The following MATN2 variants were observed in gnomAD, a reference collection of about 807,000 sequenced individuals.
MATN2 encodes matrilin 2.
A neutral mutation model predicts 103.2 loss-of-function variants in MATN2; 69 were observed. That is an observed-to-expected ratio of 0.67 (90% CI 0.55 to 0.82). The LOEUF (loss-of-function observed/expected upper bound fraction) is 0.82. Among genes scored for constraint, MATN2 ranks in the 40% least tolerant of loss-of-function variants. The probability of loss-of-function intolerance (pLI) is 0.00; values close to 1 mark genes in which losing one functional copy is unlikely to be tolerated. For synonymous variants in MATN2, 429 were observed against 450.2 expected (o/e 0.95, Z 0.60); for missense variants, 1,023 against 1,211.5 (o/e 0.84, Z 2.31).
rs572551676 is a variant in MATN2 at position 97,987,920 on chromosome 8, A to G, written c.1082-6560A>G. Among the ~76,000 whole-genome samples the G allele has an allele frequency of 1.3e-3, 200 of 152,064 alleles. 3 individuals are homozygous for G. The highest frequency in any genetic ancestry group is 4.6e-3 in the African/African-American group (192 of 41,470). On this transcript the variant is annotated intron_variant, in intron 6 of 18. Coordinates refer to ENST00000254898, the MANE Select transcript of MATN2 (RefSeq NM_002380.5). ...TTTTTTTAGAAGATTAATAAAATTG[A>G]TAAATGTCTAACCAGACTAGTCAAG...
At position 97,869,233 on chromosome 8, in the gene MATN2, G is replaced by T. The variant is rs1019194982; in HGVS notation, c.-81G>T. On this transcript the variant is annotated 5_prime_UTR_variant, in exon 1 of 19. The change creates a new upstream start codon in the 5' untranslated region. Coordinates refer to ENST00000254898, the MANE Select transcript of MATN2 (RefSeq NM_002380.5). ...CTCGGCGAGGCGAAGAGGCCGACGA[G>T]GAAGACCCGGGTGGCTGCGCCCCTG... 3 of 152,234 alleles carry T rather than the reference G, an allele frequency of 2.0e-5. No homozygotes were observed. The highest frequency in any genetic ancestry group is 2.9e-5 in the Non-Finnish European group (2 of 68,042). 9.4% of individuals were successfully genotyped at this position (152,234 alleles called of 1,614,324 possible).
chr8:97,984,853 T>C (rs1437953811), intron 6 of MATN2, among the ~76,000 whole-genome samples: 1 of 152,148 alleles, frequency 6.6e-6, no homozygotes. Context: ...GCCTACATTC[T>C]ATTGGAGCAG....
intron 4 of MATN2, among the ~76,000 whole-genome samples, chr8:97,958,689 G>C (rs1013559540): frequency 6.6e-6 from 1 of 152,194 alleles, no homozygotes; most frequent in African/African-American, 2.4e-5. Context: ...CTTTGCTAGA[G>C]GTGCTTAAAT....
chr8:97,931,264 GA>G lies in MATN2; in HGVS notation c.455del (p.Glu152GlyfsTer6). On this transcript the variant is annotated frameshift_variant, in exon 3 of 19. Transcript: ENST00000254898. LOFTEE classifies it high-confidence loss of function. This position sits in a 1 kb window ranked among gnomAD's most constrained non-coding sequence, Gnocchi z 4.1. ...YALNIAFSEA[E>X]GARPLRENVP... ...CCTGAACATCGCATTCTCAGAAGCA[GA>G]GGGGGCCCGGCCCCTGAGGGAGAAT... 1 of 1,613,964 alleles carries G rather than the reference GA, an allele frequency of 6.2e-7. No homozygotes were observed. The highest frequency in any genetic ancestry group is 8.5e-7 in the Non-Finnish European group (1 of 1,179,880).
At chr8:97,928,682 G>A (rs1432025076) in intron 2 of MATN2, among the ~76,000 whole-genome samples, 1 of 152,266 alleles carries the variant, frequency 6.6e-6, no homozygotes, top group East Asian at 1.9e-4. Flanking sequence ...CCAGCCTGGG[G>A]CTGGACACGA....
chr8:97,965,697 A>G (rs1418280909), intron 5 of MATN2, among the ~76,000 whole-genome samples: 1 of 151,906 alleles, frequency 6.6e-6, no homozygotes, highest in Admixed American at 6.6e-5. Flanking sequence ...TTAGTTGGAC[A>G]TGGCTGGATG....
rs752710134 is a variant in MATN2, at chr8:97,952,475, C to G, written c.836-8933C>G. ...CTTTGCCCCATGCTCCGTGCTCCCC[C>G]CTCAGTTCTGCCTCCTTCCGGTGTA... On this transcript the variant is annotated intron_variant, in intron 4 of 18. Transcript: ENST00000254898. Among the ~76,000 whole-genome samples the G allele has an allele frequency of 2.6e-5, 4 of 152,304 alleles. No individual in the cohort carries two copies. In the South Asian group the frequency reaches 6.2e-4, roughly 24 times the overall value.
At chr8:97,888,046 GC>G in intron 1 of MATN2, 28 bp from the exon 2 acceptor site, 1 of 1,582,520 alleles carries the variant, frequency 6.3e-7, no homozygotes, top group Non-Finnish European at 8.6e-7. Flanking sequence ...ATCTCACCCT[GC>G]CCTCTTCTTG....
intron 2 of MATN2, among the ~76,000 whole-genome samples, chr8:97,930,065 G>C (rs878897488): frequency 6.6e-6 from 1 of 152,196 alleles, no homozygotes; most frequent in Non-Finnish European, 1.5e-5. Flanking sequence ...CTTGGGCTTT[G>C]GTTCATGTGA....
At chr8:97,904,767 C>A (rs1412658366) in intron 2 of MATN2, among the ~76,000 whole-genome samples, 1 of 152,074 alleles carries the variant, frequency 6.6e-6, no homozygotes, top group Non-Finnish European at 1.5e-5. Context: ...TAGATCACAC[C>A]ATTTTAATTA....
chr8:98,031,107 T>C (rs1041015688), intron 15 of MATN2, among the ~76,000 whole-genome samples: 2 of 151,920 alleles, frequency 1.3e-5, no homozygotes, highest in Admixed American at 6.6e-5. Context: ...GAGGCTGCGG[T>C]GGGAGGATTG....
At chr8:97,932,456 T>C (rs1810230442) in intron 3 of MATN2, among the ~76,000 whole-genome samples, 1 of 152,208 alleles carries the variant, frequency 6.6e-6, no homozygotes, top group Admixed American at 6.5e-5. Flanking sequence ...CTGCCAACTC[T>C]TTCTGCAGGA....
rs758880472 is a variant in MATN2 at position 98,005,332 on chromosome 8, C to T, written c.1327+1549C>T. On this transcript the variant is annotated intron_variant, in intron 8 of 18. Coordinates refer to ENST00000254898, the MANE Select transcript of MATN2 (RefSeq NM_002380.5). The surrounding 1 kb of genome is among the most constrained non-coding windows in gnomAD (Gnocchi z 4.6). ...AGAGGCCAGCGGGGAGCGGGTCTCC[C>T]ATTCAACAGGAGATGCCCTGGTGAC... Among the ~76,000 whole-genome samples the T allele has an allele frequency of 3.3e-5, 5 of 152,170 alleles. No individual in the cohort carries two copies. Among genetic ancestry groups the T allele is most frequent in the Non-Finnish European group, 7.4e-5 (5 of 68,024 alleles).
chr8:97,916,318 C>T (rs1809629878), intron 2 of MATN2, among the ~76,000 whole-genome samples: 1 of 152,158 alleles, frequency 6.6e-6, no homozygotes, highest in African/African-American at 2.4e-5. Context: ...GATCTGCCCA[C>T]CTTGGTCTCC....
intron 3 of MATN2, among the ~76,000 whole-genome samples, chr8:97,933,996 T>A (rs988454934): frequency 2.0e-5 from 3 of 152,226 alleles, no homozygotes; most frequent in Admixed American, 2.0e-4. Context: ...GCTAAGTGAA[T>A]CACCTGAAAA....
intron 4 of MATN2, among the ~76,000 whole-genome samples, chr8:97,948,247 T>A (rs576358022): frequency 6.6e-6 from 1 of 152,298 alleles, no homozygotes; most frequent in Middle Eastern, 3.4e-3. Context: ...GTGTCCTGGG[T>A]GACTCAAATT....
Position 97,920,393 on chromosome 8 carries a change from A to G in MATN2, c.143-10560A>G, listed in dbSNP as rs554182454. ...TGGCTAATTTTTGCATTTTTAGTAG[A>G]GATGGGGTTTTGCCATATTGGCCAG... On this transcript the variant is annotated intron_variant, in intron 2 of 18. Transcript: ENST00000254898. Among the ~76,000 whole-genome samples the G allele has an allele frequency of 2.1e-4, 32 of 152,176 alleles. No homozygotes were observed. The East Asian group carries it at 6.2e-3, about 29-fold the overall frequency.
intron 18 of MATN2, chr8:98,034,317 G>A (rs1021455034): frequency 5.0e-6 from 2 of 402,618 alleles, no homozygotes; most frequent in Non-Finnish European, 1.0e-5. Context: ...TTTACATATT[G>A]AACACCCTGC....
At chr8:97,948,026 C>T (rs551719636) in intron 4 of MATN2, among the ~76,000 whole-genome samples, 2 of 152,066 alleles carry the variant, frequency 1.3e-5, no homozygotes, top group African/African-American at 2.4e-5. Context: ...TGAAAGCTAT[C>T]GTTCATATTT....
Sources: gnomAD v4.1 joint callset for allele counts (sites outside exome capture counted in the v4.1 genomes callset) on GRCh38, gnomAD v4.1.1 for gene constraint, Gnocchi (gnomAD v3.1) non-coding constraint, MANE v1.5 for transcripts, NCBI Gene and HGNC (gene_info 2026-07-23, HGNC 2026-07-21) for gene names.